Variants in GNAQ observed in about 807,000 individuals in gnomAD.
GNAQ encodes guanine nucleotide-binding protein G(q) subunit alpha.
Under a neutral mutation model 43.9 loss-of-function variants are expected in GNAQ, and 8 were observed. That is an observed-to-expected ratio of 0.18 (90% confidence interval 0.11 to 0.33). The LOEUF (loss-of-function observed/expected upper bound fraction) is 0.33, where lower values mean the gene tolerates loss of function less well. Among genes scored for constraint, GNAQ ranks in the 10% least tolerant of loss-of-function variants. The pLI is 1.00. For synonymous variants in GNAQ, 155 were observed against 170.7 expected (o/e 0.91, Z 0.71); for missense variants, 158 against 450.8 (o/e 0.35, Z 5.88).
chr9:78,003,812 T>TAA (rs557188160), intron 1 of GNAQ, among the ~76,000 whole-genome samples: 7 of 91,590 alleles, frequency 7.6e-5, no homozygotes, highest in Admixed American at 1.2e-4. Context: ...CAAGACTGTC[T>TAA]AAAAAAAAAA....
chr9:77,982,694 A>G (rs1214220384), intron 1 of GNAQ, among the ~76,000 whole-genome samples: 1 of 151,896 alleles, frequency 6.6e-6, no homozygotes, highest in East Asian at 1.9e-4. Context: ...ATTCTCATTA[A>G]TGAATCCTCT....
chr9:77,814,733 A>G (rs1826984813), intron 3 of GNAQ, among the ~76,000 whole-genome samples: 1 of 152,162 alleles, frequency 6.6e-6, no homozygotes, highest in Non-Finnish European at 1.5e-5. Flanking sequence ...TCACTTTATC[A>G]TATGAACTGG....
At position 77,961,644 on chromosome 9, in the gene GNAQ, G is replaced by C. The variant is rs192869356; in HGVS notation, c.137-39299C>G. On this transcript the variant is annotated intron_variant, in intron 1 of 6. Transcript: ENST00000286548. Reference sequence around the variant, plus strand: ...GAAGTTTAAGTAACTATGAAAGAGAGGCTGCTCTAAACTTACCCTAACAAA... The same window carrying C: ...GAAGTTTAAGTAACTATGAAAGAGACGCTGCTCTAAACTTACCCTAACAAA... Among the ~76,000 whole-genome samples the C allele has an allele frequency of 4.2e-4, 64 of 152,288 alleles. No homozygotes were observed. In the East Asian group the frequency reaches 0.011, roughly 27 times the overall value.
chr9:78,024,457 C>G (rs564146582), intron 1 of GNAQ, among the ~76,000 whole-genome samples: 3 of 152,224 alleles, frequency 2.0e-5, no homozygotes, highest in Non-Finnish European at 1.5e-5. Flanking sequence ...TCAGGAATTG[C>G]GATAAAGATA....
intron 2 of GNAQ, among the ~76,000 whole-genome samples, chr9:77,825,667 T>C (rs1827182995): frequency 6.6e-6 from 1 of 152,138 alleles, no homozygotes; most frequent in Admixed American, 6.5e-5. Flanking sequence ...AGAAGTCTGT[T>C]TAACTGCAAA....
intron 5 of GNAQ, among the ~76,000 whole-genome samples, chr9:77,760,375 T>C (rs566748109): frequency 0.012 from 1,875 of 152,050 alleles, 42 homozygotes; most frequent in African/African-American, 0.042. Context: ...CCTGACTGGT[T>C]TTCGTATTTT....
rs554043928 is a variant in GNAQ, at chr9:77,898,093, T to C, written c.321+24068A>G. On this transcript the variant is annotated intron_variant, in intron 2 of 6. Transcript: ENST00000286548. ...GGAAGAGTAATATCTGTAGAAACGA[T>C]AGAACCACTCTTAATTACCAAGAGG... 1.1e-4 allele frequency among the ~76,000 whole-genome samples: 16 copies of C among 152,306 alleles called. 1 individual carries two copies. In the South Asian group the frequency reaches 1.4e-3, roughly 14 times the overall value.
At chr9:77,812,086 A>C (rs190486513) in intron 3 of GNAQ, among the ~76,000 whole-genome samples, 2 of 152,238 alleles carry the variant, frequency 1.3e-5, no homozygotes, top group African/African-American at 2.4e-5. Context: ...TCAGATGATT[A>C]ATCAAATAGC....
intron 2 of GNAQ, among the ~76,000 whole-genome samples, chr9:77,888,799 T>G (rs905310599): frequency 6.6e-6 from 1 of 152,124 alleles, no homozygotes; most frequent in Admixed American, 6.5e-5. Context: ...AGCCTCTGGA[T>G]TATTCACTAA....
chr9:77,881,460 C>T (rs1183345448), intron 2 of GNAQ, among the ~76,000 whole-genome samples: 2 of 152,220 alleles, frequency 1.3e-5, no homozygotes, highest in African/African-American at 2.4e-5. Flanking sequence ...CTCACTGCAG[C>T]CTTGAACTCC....
At chr9:77,784,121 C>T (rs943788076) in intron 5 of GNAQ, among the ~76,000 whole-genome samples, 9 of 150,974 alleles carry the variant, frequency 6.0e-5, no homozygotes, top group Admixed American at 3.3e-4. Flanking sequence ...TTTTTTTTTC[C>T]TACAAAAAAG....
At chr9:77,826,667 T>C (rs1291571315) in intron 2 of GNAQ, among the ~76,000 whole-genome samples, 1 of 152,208 alleles carries the variant, frequency 6.6e-6, no homozygotes, top group Non-Finnish European at 1.5e-5. Context: ...ATGTTCCCAT[T>C]TACTTGCTTT....
chr9:77,945,093 A>G (rs1311786555), intron 1 of GNAQ, among the ~76,000 whole-genome samples: 1 of 152,224 alleles, frequency 6.6e-6, no homozygotes, highest in Admixed American at 6.5e-5. Flanking sequence ...AATTCCGAGA[A>G]TATCAGGCAC....
At chr9:77,910,409 A>G (rs923912835) in intron 2 of GNAQ, among the ~76,000 whole-genome samples, 1 of 152,224 alleles carries the variant, frequency 6.6e-6, no homozygotes, top group African/African-American at 2.4e-5. Context: ...GAAAGTATTC[A>G]TCTGATGCTT....
At chr9:78,008,601 TTTCATTTC>T (rs1823734986) in intron 1 of GNAQ, among the ~76,000 whole-genome samples, 1 of 151,844 alleles carries the variant, frequency 6.6e-6, no homozygotes, top group African/African-American at 2.4e-5. Flanking sequence ...TTTCATTTCA[TTTCATTTC>T]ATTTCATTTC....
chr9:77,866,166 G>C (rs1410062673), intron 2 of GNAQ, among the ~76,000 whole-genome samples: 2 of 152,082 alleles, frequency 1.3e-5, no homozygotes, highest in African/African-American at 4.8e-5. Context: ...GAATAAAGTT[G>C]GGCAGTGATT....
At chr9:77,847,016 G>A (rs2117908004) in intron 2 of GNAQ, among the ~76,000 whole-genome samples, 1 of 152,240 alleles carries the variant, frequency 6.6e-6, no homozygotes, top group African/African-American at 2.4e-5. Context: ...GGAATACTTC[G>A]AACTTCCTGA....
chr9:78,003,812 T>TAAAAAAAAAAA (rs557188160), intron 1 of GNAQ, among the ~76,000 whole-genome samples: 3 of 91,600 alleles, frequency 3.3e-5, no homozygotes, highest in Non-Finnish European at 4.5e-5. Flanking sequence ...CAAGACTGTC[T>TAAAAAAAAAAA]AAAAAAAAAA....
At chr9:77,918,716 C>T (rs1828952296) in intron 2 of GNAQ, among the ~76,000 whole-genome samples, 1 of 152,084 alleles carries the variant, frequency 6.6e-6, no homozygotes, top group Non-Finnish European at 1.5e-5. Context: ...TTCCTTCTCC[C>T]CAATGTGCCC....
Sources: gnomAD v4.1 joint callset for allele counts (sites outside exome capture counted in the v4.1 genomes callset) on GRCh38, gnomAD v4.1.1 for gene constraint, MANE v1.5 for transcripts, NCBI Gene and HGNC (gene_info 2026-07-23, HGNC 2026-07-21) for gene names.